The following MCC variants were observed in gnomAD, a reference collection of about 807,000 sequenced individuals.
The protein encoded by MCC is MCC regulator of Wnt signaling pathway, also known as colorectal mutant cancer protein.
In MCC, 90 loss-of-function variants were observed where a neutral mutation model predicts 116.2. That is an observed-to-expected ratio of 0.77 (90% CI 0.65 to 0.92). The LOEUF (loss-of-function observed/expected upper bound fraction) is 0.92, where lower values mean the gene tolerates loss of function less well. MCC is among the 40% of genes least tolerant of loss of function. The pLI is 0.00. For missense variants in MCC, 1,516 were observed against 1,312.2 expected, an observed-to-expected ratio of 1.16 and a Z score of -2.40; for synonymous variants, 578 against 510.5, an observed-to-expected ratio of 1.13 and a Z score of -1.78.
In MCC at chr5:113,027,202, C is replaced by T. The variant is rs543823880; in HGVS notation, c.*100G>A. On this transcript the variant is annotated 3_prime_UTR_variant, in exon 19 of 19. Coordinates refer to ENST00000408903, the MANE Select transcript of MCC (RefSeq NM_001085377.2). ...AAGTGCCGACCTACCTGCCAGCCTT[C>T]CCTTTCCTCCTCCTCCCAACAAGTA... 1,341 of 1,309,718 alleles carry T rather than the reference C, an allele frequency of 1.0e-3. 1 individual carries two copies. Among genetic ancestry groups the T allele is most frequent in the Non-Finnish European group, 1.3e-3 (1,264 of 954,418 alleles). The allele number at this position is 1,309,718 out of a possible 1,614,324, so 81.1% of individuals were successfully genotyped here. A position where few individuals can be genotyped will look rare whatever the true frequency, so the allele number is the denominator to read the frequency against.
intron 2 of MCC, among the ~76,000 whole-genome samples, chr5:113,355,438 CTCT>C (rs1164481926): frequency 6.6e-6 from 1 of 152,208 alleles, no homozygotes; most frequent in Non-Finnish European, 1.5e-5. Flanking sequence ...TACCAGCACT[CTCT>C]TCTTATGCTG....
At chr5:113,385,942 T>C (rs1265302356) in intron 1 of MCC, among the ~76,000 whole-genome samples, 5 of 152,112 alleles carry the variant, frequency 3.3e-5, no homozygotes, top group Non-Finnish European at 5.9e-5. Context: ...ATCCAGCCTA[T>C]AGAGTCTCAA....
At chr5:113,084,060 C>T (rs752950734) in intron 10 of MCC, 41 bp downstream of exon 10, 1 of 1,497,664 alleles carries the variant, frequency 6.7e-7, no homozygotes, top group South Asian at 1.1e-5. Flanking sequence ...CTGTGTAGCT[C>T]TGCCGGGTAC....
chr5:113,367,588 C>T (rs1176239690), intron 2 of MCC, among the ~76,000 whole-genome samples: 1 of 121,644 alleles, frequency 8.2e-6, no homozygotes, highest in Non-Finnish European at 1.6e-5. Context: ...CCAGACAAGC[C>T]TTCATTAAAA....
Position 113,459,825 on chromosome 5 carries a change from AACACACACACAC to A in MCC, c.170+28408_170+28419del, listed in dbSNP as rs5870543. ...AAGGAGTCCTAGAATCGCTATGGAA[AACACACACACAC>A]ACACACACACACACACACACAGGCA... On this transcript the variant is annotated intron_variant, in intron 1 of 18. Transcript: ENST00000408903. 2.7e-5 allele frequency among the ~76,000 whole-genome samples: 4 copies of A among 147,610 alleles called. 1 individual carries two copies. Among genetic ancestry groups the A allele is most frequent in the African/African-American group, 7.6e-5 (3 of 39,674 alleles).
At chr5:113,204,934 G>A (rs755183794) in intron 3 of MCC, among the ~76,000 whole-genome samples, 9 of 152,152 alleles carry the variant, frequency 5.9e-5, no homozygotes, top group Non-Finnish European at 1.2e-4. Flanking sequence ...AATGAAAAGT[G>A]GAACCCTGCA....
rs977719168 is a variant in MCC at position 113,029,070 on chromosome 5, G to A, written c.2757-14C>T. 2 of 1,601,152 alleles carry A rather than the reference G, an allele frequency of 1.2e-6. No individual in the cohort carries two copies. The highest frequency in any genetic ancestry group is 8.5e-7 in the Non-Finnish European group (1 of 1,172,182). On this transcript the variant is annotated splice_polypyrimidine_tract_variant and intron_variant, in intron 17 of 18. Transcript: ENST00000408903. ...AACTTCTTTTCTCTATATTAAAGGA[G>A]ACAAAATATGCCAGGAGTAGTTTGA...
intron 1 of MCC, among the ~76,000 whole-genome samples, chr5:113,414,929 G>C (rs1410008300): frequency 2.0e-5 from 3 of 152,050 alleles, no homozygotes; most frequent in Admixed American, 2.0e-4. Context: ...TTTCTTTAGT[G>C]CTTCCTTCAG....
chr5:113,197,982 T>C (rs192571466), intron 3 of MCC, among the ~76,000 whole-genome samples: 78 of 152,306 alleles, frequency 5.1e-4, no homozygotes, highest in African/African-American at 1.7e-3. Context: ...TCCAGCTAAG[T>C]GCAAGCTATG....
intron 12 of MCC, 61 bp from the exon 13 acceptor site, chr5:113,068,244 C>T (rs930822149): frequency 6.7e-6 from 9 of 1,344,374 alleles, no homozygotes; most frequent in Middle Eastern, 2.0e-4. Context: ...TTCAATGTGG[C>T]GCCGGTTTCT....
chr5:113,442,878 A>G (rs1363014853), intron 1 of MCC, among the ~76,000 whole-genome samples: 1 of 152,198 alleles, frequency 6.6e-6, no homozygotes, highest in Non-Finnish European at 1.5e-5. Flanking sequence ...TGGTACCAGT[A>G]CCATGCTGTT....
chr5:113,103,962 C>A (rs113712130), intron 7 of MCC, among the ~76,000 whole-genome samples: 1 of 152,086 alleles, frequency 6.6e-6, no homozygotes, highest in African/African-American at 2.4e-5. Flanking sequence ...TCCTTTTTAC[C>A]GCAAAGCCAG....
chr5:113,168,172 A>G (rs563530684), intron 3 of MCC, among the ~76,000 whole-genome samples: 5 of 152,314 alleles, frequency 3.3e-5, no homozygotes, highest in African/African-American at 1.2e-4. Context: ...TGCGATACTA[A>G]ACCAAGGGCA....
At chr5:113,143,387 T>C (rs1759305995) in intron 4 of MCC, 27 bp from the exon 5 acceptor site, 5 of 1,612,446 alleles carry the variant, frequency 3.1e-6, no homozygotes, top group African/African-American at 1.3e-5. Flanking sequence ...AGGACAGAAG[T>C]GCTGATGAAT....
intron 3 of MCC, among the ~76,000 whole-genome samples, chr5:113,192,470 T>C (rs1198526953): frequency 1.3e-5 from 2 of 152,218 alleles, no homozygotes; most frequent in African/African-American, 2.4e-5. Context: ...ATAGCACCTA[T>C]ACCCCCTACC....
chr5:113,192,804 T>C (rs1417138394), intron 3 of MCC, among the ~76,000 whole-genome samples: 1 of 152,204 alleles, frequency 6.6e-6, no homozygotes, highest in African/African-American at 2.4e-5. Context: ...TACAACACAG[T>C]TCAAACAAGG....
chr5:113,262,281 T>A (rs756492389), intron 3 of MCC, among the ~76,000 whole-genome samples: 68 of 152,122 alleles, frequency 4.5e-4, no homozygotes, highest in Non-Finnish European at 5.9e-4. Flanking sequence ...CATATCAGTG[T>A]CTGCTTTCAA....
intron 1 of MCC, among the ~76,000 whole-genome samples, chr5:113,418,083 T>C (rs1211686787): frequency 8.7e-6 from 1 of 114,554 alleles, no homozygotes; most frequent in African/African-American, 4.8e-5. Flanking sequence ...TTTTTGGAGA[T>C]ACAGCATCTA....
At chr5:113,185,149 G>A (rs1761838008) in intron 3 of MCC, among the ~76,000 whole-genome samples, 1 of 152,152 alleles carries the variant, frequency 6.6e-6, no homozygotes, top group Admixed American at 6.5e-5. Context: ...GTGGGCATAA[G>A]GGGTTGAATT....
Sources: allele counts gnomAD v4.1 joint callset (sites outside exome capture counted in the v4.1 genomes callset), GRCh38; gene constraint gnomAD v4.1.1; transcripts MANE v1.5; gene names NCBI Gene and HGNC (gene_info 2026-07-23, HGNC 2026-07-21).